The following RNU4ATAC variants were observed in gnomAD, a reference collection of about 807,000 sequenced individuals.
RNU4ATAC encodes RNA, U4atac small nuclear.
chr2:121,530,988 T>C, exon 1 of RNU4ATAC: 3 of 700,362 alleles, frequency 4.3e-6, no homozygotes, highest in Non-Finnish European at 5.2e-6. Context: ...TTGCTTTATT[T>C]TGGTGCAATT....
rs367638364 is a variant in RNU4ATAC at position 121,530,972 on chromosome 2, G to T, written n.92G>T. 9.1e-5 allele frequency: 64 copies of T among 700,252 alleles called. 1 individual carries two copies. Among genetic ancestry groups the T allele is most frequent in the South Asian group, 5.3e-4 (36 of 67,508 alleles). 43.4% of individuals were successfully genotyped at this position (700,252 alleles called of 1,614,324 possible). Reference sequence around the variant, plus strand: ...CTGAACAACACACCCGCATCAACTAGAGCTTTTGCTTTATTTTGGTGCAAT... The same window carrying T: ...CTGAACAACACACCCGCATCAACTATAGCTTTTGCTTTATTTTGGTGCAAT... On this transcript the variant is annotated non_coding_transcript_exon_variant, in exon 1 of 1. Transcript: ENST00000580972.
Position 121,531,004 on chromosome 2 carries a change from A to T in RNU4ATAC, n.124A>T, listed in dbSNP as rs1029551062. On this transcript the variant is annotated non_coding_transcript_exon_variant, in exon 1 of 1. Transcript: ENST00000580972. ...TGCTTTATTTTGGTGCAATTTTTGG[A>T]AAAATGAAAACCTGTTTTCATAGAC... 4.3e-6 allele frequency: 3 copies of T among 699,594 alleles called. No homozygotes were observed. Among genetic ancestry groups the T allele is most frequent in the African/African-American group, 3.5e-5 (2 of 56,690 alleles). The allele number at this position is 699,594 out of a possible 1,614,324, so 43.3% of individuals were successfully genotyped here. A position where few individuals can be genotyped will look rare whatever the true frequency, so the allele number is the denominator to read the frequency against.
exon 1 of RNU4ATAC, chr2:121,530,958 A>ACCCG (rs1559534561): frequency 1.4e-6 from 1 of 700,350 alleles, no homozygotes; most frequent in African/African-American, 1.7e-5. Flanking sequence ...TGAACAACAC[A>ACCCG]CCCGCATCAA....
Position 121,530,989 on chromosome 2 carries a change from T to A in RNU4ATAC, n.109T>A. On this transcript the variant is annotated non_coding_transcript_exon_variant, in exon 1 of 1. Coordinates refer to ENST00000580972, the Ensembl canonical transcript of RNU4ATAC. ...ATCAACTAGAGCTTTTGCTTTATTT[T>A]GGTGCAATTTTTGGAAAAATGAAAA... The A allele has an allele frequency of 1.4e-6, 1 of 700,404 alleles. No individual in the cohort carries two copies. Among genetic ancestry groups the A allele is most frequent in the Non-Finnish European group, 2.6e-6 (1 of 384,792 alleles). 43.4% of individuals were successfully genotyped at this position (700,404 alleles called of 1,614,324 possible). A position where few individuals can be genotyped will look rare whatever the true frequency, so the allele number is the denominator to read the frequency against.
exon 1 of RNU4ATAC, chr2:121,530,967 A>T (rs1203177262): frequency 5.7e-6 from 4 of 700,332 alleles, no homozygotes; most frequent in Non-Finnish European, 7.8e-6. Flanking sequence ...CACCCGCATC[A>T]ACTAGAGCTT....
chr2:121,530,918 G>T (rs772360964), exon 1 of RNU4ATAC: 2 of 699,626 alleles, frequency 2.9e-6, no homozygotes, highest in Admixed American at 2.0e-5. Context: ...TGTCCAATGA[G>T]CGCATAGTGA....
rs983845260 is a variant in RNU4ATAC at position 121,530,955 on chromosome 2, C to G, written n.75C>G. On this transcript the variant is annotated non_coding_transcript_exon_variant, in exon 1 of 1. Transcript: ENST00000580972. ...GGCAGTACTGCTAACGCCTGAACAA[C>G]ACACCCGCATCAACTAGAGCTTTTG... 3.9e-5 allele frequency: 27 copies of G among 700,308 alleles called. No homozygotes were observed. Among genetic ancestry groups the G allele is most frequent in the Non-Finnish European group, 6.8e-5 (26 of 384,834 alleles). The allele number at this position is 700,308 out of a possible 1,614,324, so 43.4% of individuals were successfully genotyped here.
chr2:121,530,927 G>GT (rs1323260662), exon 1 of RNU4ATAC: 1 of 699,952 alleles, frequency 1.4e-6, no homozygotes, highest in Non-Finnish European at 2.6e-6. Flanking sequence ...AGCGCATAGT[G>GT]AGGGCAGTAC....
chr2:121,531,005 A>AT (rs1473683802), exon 1 of RNU4ATAC: 3 of 700,346 alleles, frequency 4.3e-6, no homozygotes, highest in African/African-American at 1.7e-5. Context: ...AATTTTTGGA[A>AT]AAATGAAAAC....
At position 121,530,985 on chromosome 2, in the gene RNU4ATAC, A is replaced by T. The variant is rs983574623; in HGVS notation, n.105A>T. 7.1e-6 allele frequency: 5 copies of T among 700,350 alleles called. No individual in the cohort carries two copies. Among genetic ancestry groups the T allele is most frequent in the Admixed American group, 2.0e-5 (1 of 49,998 alleles). 43.4% of individuals were successfully genotyped at this position (700,350 alleles called of 1,614,324 possible). A position where few individuals can be genotyped will look rare whatever the true frequency, so the allele number is the denominator to read the frequency against. Reference sequence around the variant, plus strand: ...CCGCATCAACTAGAGCTTTTGCTTTATTTTGGTGCAATTTTTGGAAAAATG... The same window carrying T: ...CCGCATCAACTAGAGCTTTTGCTTTTTTTTGGTGCAATTTTTGGAAAAATG... On this transcript the variant is annotated non_coding_transcript_exon_variant, in exon 1 of 1. Transcript: ENST00000580972.
exon 1 of RNU4ATAC, chr2:121,530,928 A>C (rs752923122): frequency 1.4e-6 from 1 of 699,742 alleles, no homozygotes. Flanking sequence ...GCGCATAGTG[A>C]GGGCAGTACT....
At chr2:121,530,931 GC>G in exon 1 of RNU4ATAC, 1 of 700,376 alleles carries the variant, frequency 1.4e-6, no homozygotes. Context: ...CATAGTGAGG[GC>G]AGTACTGCTA....
Position 121,530,988 on chromosome 2 carries a change from T to A in RNU4ATAC, n.108T>A, listed in dbSNP as rs544511887. ...CATCAACTAGAGCTTTTGCTTTATT[T>A]TGGTGCAATTTTTGGAAAAATGAAA... On this transcript the variant is annotated non_coding_transcript_exon_variant, in exon 1 of 1. Transcript: ENST00000580972. 302 of 700,362 alleles carry A rather than the reference T, an allele frequency of 4.3e-4. 2 individuals are homozygous for A. The South Asian group carries it at 4.3e-3, about 10-fold the overall frequency. 43.4% of individuals were successfully genotyped at this position (700,362 alleles called of 1,614,324 possible).
Position 121,530,900 on chromosome 2 carries a change from T to A in RNU4ATAC, n.20T>A, listed in dbSNP as rs966589874. ...ATTATAACCATCCTTTTCTTGGGGTTGCGCTACTGTCCAATGAGCGCATAG... is the reference window on the plus strand; with the variant it reads ...ATTATAACCATCCTTTTCTTGGGGTAGCGCTACTGTCCAATGAGCGCATAG... On this transcript the variant is annotated non_coding_transcript_exon_variant, in exon 1 of 1. Transcript: ENST00000580972. 1.4e-6 allele frequency: 1 copy of A among 695,668 alleles called. No individual in the cohort carries two copies. The highest frequency in any genetic ancestry group is 2.0e-5 in the Admixed American group (1 of 49,864). 43.1% of individuals were successfully genotyped at this position (695,668 alleles called of 1,614,324 possible). A position where few individuals can be genotyped will look rare whatever the true frequency, so the allele number is the denominator to read the frequency against.
chr2:121,530,889 TTTCTTGGGGTTGCGC>T, exon 1 of RNU4ATAC: 1 of 693,524 alleles, frequency 1.4e-6, no homozygotes. Context: ...TAACCATCCT[TTTCTTGGGGTTGCGC>T]TACTGTCCAA....
rs949641745 is a variant in RNU4ATAC, at chr2:121,530,994, C to T, written n.114C>T. The T allele has an allele frequency of 8.6e-5, 60 of 700,194 alleles. No individual in the cohort carries two copies. The highest frequency in any genetic ancestry group is 1.2e-4 in the African/African-American group (7 of 57,250). 43.4% of individuals were successfully genotyped at this position (700,194 alleles called of 1,614,324 possible). On this transcript the variant is annotated non_coding_transcript_exon_variant, in exon 1 of 1. Transcript: ENST00000580972. ...CTAGAGCTTTTGCTTTATTTTGGTG[C>T]AATTTTTGGAAAAATGAAAACCTGT... is the stretch of plus-strand genomic sequence containing the variant.
rs572870823 is a variant in RNU4ATAC, at chr2:121,530,986, T to C, written n.106T>C. On this transcript the variant is annotated non_coding_transcript_exon_variant, in exon 1 of 1. Transcript: ENST00000580972. ...CGCATCAACTAGAGCTTTTGCTTTA[T>C]TTTGGTGCAATTTTTGGAAAAATGA... 43 of 700,058 alleles carry C rather than the reference T, an allele frequency of 6.1e-5. No individual in the cohort carries two copies. The highest frequency in any genetic ancestry group is 1.0e-4 in the Admixed American group (5 of 50,008). 43.4% of individuals were successfully genotyped at this position (700,058 alleles called of 1,614,324 possible).
chr2:121,530,969 C>CTAGAGCTT, exon 1 of RNU4ATAC: 2 of 700,398 alleles, frequency 2.9e-6, no homozygotes, highest in South Asian at 3.0e-5. Context: ...CCCGCATCAA[C>CTAGAGCTT]TAGAGCTTTT....
exon 1 of RNU4ATAC, chr2:121,530,994 C>G (rs949641745): frequency 2.9e-6 from 2 of 700,194 alleles, no homozygotes; most frequent in South Asian, 1.5e-5. Flanking sequence ...TATTTTGGTG[C>G]AATTTTTGGA....
Sources: gnomAD v4.1 joint callset for allele counts on GRCh38, gnomAD v4.1.1 for gene constraint, MANE v1.5 for transcripts, NCBI Gene and HGNC (gene_info 2026-07-23, HGNC 2026-07-21) for gene names.